GPR158: variants seen among roughly 807,000 people sequenced by gnomAD.
GPR158 encodes G protein-coupled receptor 158.
GPR158 carries 30 observed loss-of-function variants against 78.2 expected under a neutral mutation model. The observed-to-expected ratio is 0.38, with a 90% CI of 0.29 to 0.52. The LOEUF is 0.52. Ranked by LOEUF, GPR158 falls within the 20% of genes least tolerant of loss-of-function variation. GPR158 has a pLI of 0.83. For synonymous variants in GPR158, 581 were observed against 591.1 expected (o/e 0.98, Z 0.25); for missense variants, 1,463 against 1,523.5 (o/e 0.96, Z 0.66).
chr10:25,515,788 G>C (rs1309791409), intron 5 of GPR158, among the ~76,000 whole-genome samples: 22 of 145,706 alleles, frequency 1.5e-4, no homozygotes, highest in African/African-American at 4.4e-4. Flanking sequence ...ATTTGGGTTG[G>C]TTCCAAGTCT....
chr10:25,241,058 A>G (rs1042265888), intron 2 of GPR158, among the ~76,000 whole-genome samples: 3 of 152,128 alleles, frequency 2.0e-5, no homozygotes, highest in Admixed American at 2.0e-4. Flanking sequence ...GAAATTTCCT[A>G]AAGAGGTTTT....
intron 6 of GPR158, among the ~76,000 whole-genome samples, chr10:25,570,716 A>G (rs555685708): frequency 3.9e-5 from 6 of 152,252 alleles, no homozygotes; most frequent in African/African-American, 1.4e-4. Flanking sequence ...GGAGTTCAAG[A>G]CCAGCCTGGC....
At chr10:25,257,278 T>A (rs1265904761) in intron 2 of GPR158, among the ~76,000 whole-genome samples, 4 of 152,200 alleles carry the variant, frequency 2.6e-5, no homozygotes, top group Non-Finnish European at 5.9e-5. Context: ...GGCTAAGCCC[T>A]CATGATATAA....
chr10:25,534,387 C>T (rs1267620800), intron 5 of GPR158, among the ~76,000 whole-genome samples: 1 of 152,068 alleles, frequency 6.6e-6, no homozygotes, highest in Non-Finnish European at 1.5e-5. Flanking sequence ...TGCCTGTAAT[C>T]CCAGCACTTT....
intron 7 of GPR158, among the ~76,000 whole-genome samples, chr10:25,582,422 A>C (rs1837215497): frequency 6.6e-6 from 1 of 152,184 alleles, no homozygotes; most frequent in Non-Finnish European, 1.5e-5. Flanking sequence ...TAGTCTCCCT[A>C]CCCTTTTTAC....
chr10:25,218,905 C>A (rs974516587), intron 1 of GPR158, among the ~76,000 whole-genome samples: 12 of 150,038 alleles, frequency 8.0e-5, no homozygotes, highest in African/African-American at 2.9e-4. Flanking sequence ...TTACCTATTT[C>A]TCTATCCCAC....
chr10:25,507,537 C>A (rs1007492286), intron 5 of GPR158, among the ~76,000 whole-genome samples: 1 of 152,182 alleles, frequency 6.6e-6, no homozygotes, highest in Admixed American at 6.5e-5. Flanking sequence ...TGCACAGATT[C>A]TACCAGCAAA....
intron 4 of GPR158, among the ~76,000 whole-genome samples, chr10:25,445,283 T>C (rs1426193371): frequency 1.3e-5 from 2 of 152,102 alleles, no homozygotes; most frequent in South Asian, 2.1e-4. Context: ...AAGACTTTCC[T>C]AGATAAGAAA....
At chr10:25,332,998 T>A (rs1855147886) in intron 2 of GPR158, among the ~76,000 whole-genome samples, 1 of 152,160 alleles carries the variant, frequency 6.6e-6, no homozygotes, top group East Asian at 1.9e-4. Flanking sequence ...CTGTAGAGGA[T>A]GAGCTGGGCA....
chr10:25,375,271 T>G (rs191474728), intron 2 of GPR158, among the ~76,000 whole-genome samples: 1 of 151,660 alleles, frequency 6.6e-6, no homozygotes, highest in Non-Finnish European at 1.5e-5. Context: ...TTTGGAAATA[T>G]TCTAGATTCT....
chr10:25,345,284 T>C (rs916116987), intron 2 of GPR158, among the ~76,000 whole-genome samples: 3 of 152,008 alleles, frequency 2.0e-5, no homozygotes, highest in African/African-American at 7.2e-5. Context: ...GAGGCTCTTC[T>C]GTTGCCCATC....
intron 2 of GPR158, among the ~76,000 whole-genome samples, chr10:25,276,000 T>G (rs1398520281): frequency 6.6e-6 from 1 of 152,192 alleles, no homozygotes; most frequent in Non-Finnish European, 1.5e-5. Flanking sequence ...TTGTTATTCT[T>G]AATGGTCTTG....
intron 1 of GPR158, among the ~76,000 whole-genome samples, chr10:25,191,134 G>A (rs1461092143): frequency 1.3e-5 from 2 of 152,176 alleles, no homozygotes; most frequent in African/African-American, 4.8e-5. Context: ...AATAACAAAT[G>A]ATATTGAGGC....
At chr10:25,280,692 A>T (rs181576256) in intron 2 of GPR158, among the ~76,000 whole-genome samples, 55 of 151,898 alleles carry the variant, frequency 3.6e-4, no homozygotes, top group African/African-American at 1.3e-3. Flanking sequence ...GCCATAAATC[A>T]CATATCAACA....
chr10:25,550,799 G>A (rs1201411204), intron 5 of GPR158, among the ~76,000 whole-genome samples, 177 bp from the exon 6 acceptor site: 1 of 152,028 alleles, frequency 6.6e-6, no homozygotes, highest in East Asian at 1.9e-4. Flanking sequence ...TAAGCAGTAG[G>A]GAGACTGTGT....
At chr10:25,208,045 C>T (rs1023865149) in intron 1 of GPR158, among the ~76,000 whole-genome samples, 3 of 152,086 alleles carry the variant, frequency 2.0e-5, no homozygotes, top group South Asian at 2.1e-4. Context: ...AAAACTGGAA[C>T]GACCTAAACA....
intron 1 of GPR158, among the ~76,000 whole-genome samples, chr10:25,200,368 T>C (rs1268021742): frequency 2.0e-5 from 3 of 149,974 alleles, no homozygotes; most frequent in African/African-American, 7.6e-5. Context: ...GGTTGTCTGT[T>C]TTTTGCTTGT....
chr10:25,367,142 T>A (rs559436755), intron 2 of GPR158, among the ~76,000 whole-genome samples: 2 of 151,804 alleles, frequency 1.3e-5, no homozygotes, highest in South Asian at 4.1e-4. Flanking sequence ...CCATATTTCA[T>A]CTATAATCAA....
At chr10:25,472,232 T>C (rs567185068) in intron 5 of GPR158, among the ~76,000 whole-genome samples, 4 of 152,214 alleles carry the variant, frequency 2.6e-5, no homozygotes, top group South Asian at 2.1e-4. Context: ...CCTTTCCCCA[T>C]TTCTTGTTTT....
Sources: allele counts gnomAD v4.1 joint callset (sites outside exome capture counted in the v4.1 genomes callset), GRCh38; gene constraint gnomAD v4.1.1; transcripts MANE v1.5; gene names NCBI Gene and HGNC (gene_info 2026-07-23, HGNC 2026-07-21).